The following IQSEC1 variants were observed in gnomAD, a reference collection of about 807,000 sequenced individuals.
IQSEC1 encodes IQ motif and SEC7 domain-containing protein 1.
Under a neutral mutation model 91.0 loss-of-function variants are expected in IQSEC1, and 31 were observed. The ratio of observed to expected loss-of-function variants is 0.34; its 90% confidence interval spans 0.26 to 0.46. The LOEUF (loss-of-function observed/expected upper bound fraction) is 0.46, where lower values mean the gene tolerates loss of function less well. Among genes scored for constraint, IQSEC1 ranks in the 20% least tolerant of loss-of-function variants. The pLI is 1.00. For missense variants in IQSEC1, 1,388 were observed against 1,575.6 expected, an observed-to-expected ratio of 0.88 and a Z score of 2.02; for synonymous variants, 699 against 662.6, an observed-to-expected ratio of 1.05 and a Z score of -0.84.
chr3:12,942,620 GC>G (rs1462606311), intron 1 of IQSEC1, among the ~76,000 whole-genome samples: 2 of 151,724 alleles, frequency 1.3e-5, no homozygotes, highest in African/African-American at 4.8e-5. Context: ...AAAAAGAAAA[GC>G]CCCAATAATT....
At chr3:12,905,031 G>C (rs1694820615) in intron 12 of IQSEC1, among the ~76,000 whole-genome samples, 1 of 152,220 alleles carries the variant, frequency 6.6e-6, no homozygotes, top group Non-Finnish European at 1.5e-5. Context: ...GGCTCCCTCT[G>C]TGCTGAGTCC....
At chr3:13,188,860 G>A (rs1265691426) in intron 1 of IQSEC1, among the ~76,000 whole-genome samples, 2 of 152,216 alleles carry the variant, frequency 1.3e-5, no homozygotes, top group Non-Finnish European at 2.9e-5. Context: ...CATGCCTGAA[G>A]GTTGACCTGG....
rs34662761 is a variant in IQSEC1, at chr3:13,259,207, G to A, written c.272+23504C>T. On this transcript the variant is annotated intron_variant, in intron 1 of 15. Coordinates refer to the IQSEC1 transcript ENST00000648114. The surrounding 1 kb of genome is among the most constrained non-coding windows in gnomAD (Gnocchi z 4.6). ...CCCTCTGCCATGCAGGCCCTGGGAC[G>A]GGACAGTTTCCACTGGAGCAGGACC... 0.018 allele frequency among the ~76,000 whole-genome samples: 2,769 copies of A among 152,268 alleles called. 41 individuals are homozygous for A. Among genetic ancestry groups the A allele is most frequent in the South Asian group, 0.086 (414 of 4,826 alleles).
chr3:12,967,497 C>G lies in IQSEC1; in HGVS notation c.24-25632G>C, dbSNP rs945732724. ...GCCGGGCCGGGAGCCGGGACCCAGG[C>G]CCAGCAGAGGCCGCCGACTCCCGCC... On this transcript the variant is annotated intron_variant, in intron 1 of 13. Coordinates refer to ENST00000613206, the MANE Select transcript of IQSEC1 (RefSeq NM_001134382.3). The surrounding 1 kb of genome is among the most constrained non-coding windows in gnomAD (Gnocchi z 5.9). 1.4e-6 allele frequency: 2 copies of G among 1,461,082 alleles called. No homozygotes were observed. The highest frequency in any genetic ancestry group is 3.0e-5 in the African/African-American group (2 of 67,594). The allele number at this position is 1,461,082 out of a possible 1,614,324, so 90.5% of individuals were successfully genotyped here. A position where few individuals can be genotyped will look rare whatever the true frequency, so the allele number is the denominator to read the frequency against.
At chr3:13,240,460 G>A (rs1695002384) in intron 1 of IQSEC1, among the ~76,000 whole-genome samples, 1 of 152,190 alleles carries the variant, frequency 6.6e-6, no homozygotes, top group African/African-American at 2.4e-5. Context: ...AACAGACCAA[G>A]CCAACACTCA....
chr3:13,072,845 G>T, intron 1 of IQSEC1, 147 bp downstream of exon 1: 1 of 681,364 alleles, frequency 1.5e-6, no homozygotes. Context: ...CCGAGCGCCG[G>T]CATCCCTGCT....
chr3:12,936,707 G>A lies in IQSEC1; in HGVS notation c.319-10C>T. ...GTTCTAGCATCTCCACCTGCGGGTG[G>A]GAGAGGAGAATGAGAACAGCACTGC... On this transcript the variant is annotated splice_polypyrimidine_tract_variant and intron_variant, in intron 2 of 13. Transcript: ENST00000613206. The A allele has an allele frequency of 3.8e-6, 6 of 1,558,466 alleles. No individual in the cohort carries two copies. The South Asian group carries it at 7.0e-5, about 18-fold the overall frequency.
chr3:13,035,444 C>T (rs1650590064), intron 1 of IQSEC1, among the ~76,000 whole-genome samples: 2 of 152,196 alleles, frequency 1.3e-5, no homozygotes, highest in South Asian at 4.1e-4. Flanking sequence ...TAAGAATCCT[C>T]TCCTGCTCCC....
At chr3:13,039,392 CTGTG>C (rs1704166775) in intron 1 of IQSEC1, among the ~76,000 whole-genome samples, 1 of 152,250 alleles carries the variant, frequency 6.6e-6, no homozygotes, top group Non-Finnish European at 1.5e-5. Flanking sequence ...CTGGCACACC[CTGTG>C]TTTAGAAGTG....
chr3:12,959,240 G>A (rs1308088380), intron 1 of IQSEC1, among the ~76,000 whole-genome samples: 3 of 152,202 alleles, frequency 2.0e-5, no homozygotes, highest in East Asian at 1.9e-4. Context: ...CCAGCAAGAC[G>A]AGGGGCTGAC....
At chr3:13,175,795 G>A (rs1365002404) in intron 1 of IQSEC1, among the ~76,000 whole-genome samples, 1 of 152,224 alleles carries the variant, frequency 6.6e-6, no homozygotes, top group Non-Finnish European at 1.5e-5. Flanking sequence ...GTCCTCATAT[G>A]GTGGAAGAGG....
chr3:13,172,662 G>T (rs944009315), intron 1 of IQSEC1, among the ~76,000 whole-genome samples: 1 of 152,180 alleles, frequency 6.6e-6, no homozygotes, highest in African/African-American at 2.4e-5. Flanking sequence ...TTCCTCAAAG[G>T]GTTCCCTTCG....
At chr3:13,033,598 A>C (rs1703928165) in intron 1 of IQSEC1, among the ~76,000 whole-genome samples, 1 of 152,208 alleles carries the variant, frequency 6.6e-6, no homozygotes, top group Non-Finnish European at 1.5e-5. Flanking sequence ...CTCAAGATCT[A>C]TAGTCAGCAA....
chr3:12,949,015 G>C (rs574831541), intron 1 of IQSEC1, among the ~76,000 whole-genome samples: 1 of 152,342 alleles, frequency 6.6e-6, no homozygotes, highest in Admixed American at 6.5e-5. Context: ...TGCCGTGGTG[G>C]GTGTGTTTAA....
chr3:13,041,542 T>G (rs1704269454), intron 1 of IQSEC1, among the ~76,000 whole-genome samples: 1 of 152,220 alleles, frequency 6.6e-6, no homozygotes, highest in Non-Finnish European at 1.5e-5. Flanking sequence ...CCTCCAGGTC[T>G]TTAATAACAC....
chr3:13,241,311 T>C (rs187807188), intron 1 of IQSEC1, among the ~76,000 whole-genome samples: 3 of 152,354 alleles, frequency 2.0e-5, no homozygotes, highest in East Asian at 1.9e-4. Flanking sequence ...TATGTCAAGT[T>C]GGAAGCTTTC....
At chr3:13,269,109 C>T (rs1167289353) in intron 1 of IQSEC1, among the ~76,000 whole-genome samples, 23 of 152,160 alleles carry the variant, frequency 1.5e-4, no homozygotes, top group South Asian at 6.2e-4. Flanking sequence ...GGCAGGCATC[C>T]GGAGTGAGCT....
intron 1 of IQSEC1, among the ~76,000 whole-genome samples, chr3:13,278,551 G>A (rs999338650): frequency 1.3e-5 from 2 of 152,200 alleles, no homozygotes; most frequent in African/African-American, 2.4e-5. Context: ...GGGTGTGGTG[G>A]CTCACGCCTG....
In IQSEC1 at chr3:12,946,324, G is replaced by A. The variant is rs1180667837; in HGVS notation, c.24-4459C>T. Among the ~76,000 whole-genome samples the A allele has an allele frequency of 2.6e-5, 4 of 152,288 alleles. No individual in the cohort carries two copies. In the East Asian group the frequency reaches 7.7e-4, roughly 29 times the overall value. ...CACACCAGTGTGAGTCCTTAACTGCGCCTCTGAATTTATTATCTCTCTCAG... is the reference window on the plus strand; with the variant it reads ...CACACCAGTGTGAGTCCTTAACTGCACCTCTGAATTTATTATCTCTCTCAG... On this transcript the variant is annotated intron_variant, in intron 1 of 13. Transcript: ENST00000613206.
Sources: allele counts gnomAD v4.1 joint callset (sites outside exome capture counted in the v4.1 genomes callset), GRCh38; gene constraint gnomAD v4.1.1; non-coding constraint Gnocchi (gnomAD v3.1); transcripts MANE v1.5; gene names NCBI Gene and HGNC (gene_info 2026-07-23, HGNC 2026-07-21).